Variants in SEMA6D observed in about 807,000 individuals in gnomAD.
The protein encoded by SEMA6D is semaphorin-6D.
SEMA6D carries 35 observed loss-of-function variants against 106.6 expected under a neutral mutation model. The ratio of observed to expected loss-of-function variants is 0.33; its 90% CI spans 0.25 to 0.44. The LOEUF (loss-of-function observed/expected upper bound fraction) is 0.44, where lower values mean the gene tolerates loss of function less well. SEMA6D is among the 20% of genes least tolerant of loss of function. The pLI is 1.00. For missense variants in SEMA6D, 1,185 were observed against 1,345.9 expected, an observed-to-expected ratio of 0.88 and a Z score of 1.87; for synonymous variants, 499 against 487.7, an observed-to-expected ratio of 1.02 and a Z score of -0.31.
At chr15:47,199,177 A>G (rs1894551249) in intron 1 of SEMA6D, among the ~76,000 whole-genome samples, 1 of 152,186 alleles carries the variant, frequency 6.6e-6, no homozygotes, top group Non-Finnish European at 1.5e-5. Context: ...TTCAGGAAGC[A>G]AATGTGTTAG....
chr15:47,576,571 C>A (rs1225016221), intron 3 of SEMA6D, among the ~76,000 whole-genome samples: 2 of 152,228 alleles, frequency 1.3e-5, no homozygotes, highest in Non-Finnish European at 2.9e-5. Context: ...CACTAAATCA[C>A]TCTATTCCCA....
chr15:47,733,822 T>A (rs1258308619), intron 1 of SEMA6D, among the ~76,000 whole-genome samples: 3 of 152,200 alleles, frequency 2.0e-5, no homozygotes, highest in Non-Finnish European at 4.4e-5. Flanking sequence ...AAATCAAGGA[T>A]GTTTGGCAAT....
At chr15:47,496,753 T>C (rs919725163) in intron 3 of SEMA6D, among the ~76,000 whole-genome samples, 1 of 152,078 alleles carries the variant, frequency 6.6e-6, no homozygotes, top group African/African-American at 2.4e-5. Context: ...TTTTAAGAAT[T>C]TGCAACATTC....
chr15:47,228,483 C>G (rs199603956), intron 1 of SEMA6D, among the ~76,000 whole-genome samples: 1 of 125,982 alleles, frequency 7.9e-6, no homozygotes, highest in African/African-American at 2.8e-5. Context: ...GTTTGTTTAT[C>G]TCTTTTATTT....
intron 1 of SEMA6D, among the ~76,000 whole-genome samples, chr15:47,351,639 A>G (rs1032185179): frequency 1.3e-5 from 2 of 152,056 alleles, no homozygotes; most frequent in African/African-American, 2.4e-5. Flanking sequence ...CTCCTTTACC[A>G]TATCACTTGC....
chr15:47,730,095 A>G (rs991987872), intron 1 of SEMA6D: 18 of 799,106 alleles, frequency 2.3e-5, no homozygotes, highest in East Asian at 1.4e-4. Flanking sequence ...AGGAAAATTT[A>G]TATTATTTTA....
At chr15:47,362,310 T>C (rs2038841810) in intron 1 of SEMA6D, among the ~76,000 whole-genome samples, 1 of 152,116 alleles carries the variant, frequency 6.6e-6, no homozygotes, top group Non-Finnish European at 1.5e-5. Flanking sequence ...AGTGGATAAA[T>C]AGTATGCTAA....
intron 1 of SEMA6D, among the ~76,000 whole-genome samples, chr15:47,304,241 C>G (rs1230976145): frequency 6.6e-6 from 1 of 151,704 alleles, no homozygotes; most frequent in Non-Finnish European, 1.5e-5. Context: ...GGTGGGAGTT[C>G]AAGACCAGCC....
chr15:47,284,215 C>T (rs935056920), intron 1 of SEMA6D, among the ~76,000 whole-genome samples: 25 of 152,298 alleles, frequency 1.6e-4, no homozygotes, highest in African/African-American at 6.0e-4. Flanking sequence ...GATGTTTGAA[C>T]ATCTGCCAGA....
intron 1 of SEMA6D, among the ~76,000 whole-genome samples, chr15:47,245,273 T>C: frequency 6.6e-6 from 1 of 152,182 alleles, no homozygotes; most frequent in Middle Eastern, 3.2e-3. Flanking sequence ...TGAGAAATCT[T>C]CAAACTGCTT....
At chr15:47,520,243 A>T (rs1035016498) in intron 3 of SEMA6D, among the ~76,000 whole-genome samples, 1 of 152,234 alleles carries the variant, frequency 6.6e-6, no homozygotes, top group Non-Finnish European at 1.5e-5. Context: ...CTAAAGAATT[A>T]TGTCCTGGGA....
At chr15:47,594,195 T>A (rs2143026875) in intron 3 of SEMA6D, among the ~76,000 whole-genome samples, 1 of 152,320 alleles carries the variant, frequency 6.6e-6, no homozygotes, top group African/African-American at 2.4e-5. Context: ...ATTATAGAAC[T>A]CATTATTCCC....
chr15:47,768,629 A>C lies in SEMA6D; in HGVS notation c.1814A>C (p.Glu605Ala). The change falls in exon 18 of 19, where the codon GAA (glutamate) becomes GCA (alanine). Residue 605 changes from glutamate to alanine, a missense_variant. By Grantham distance (107) the Glu-to-Ala change is moderately radical (BLOSUM62 -1). Transcript: ENST00000536845. ...SSVTTMASIP[E>A]ITPKVIDTWR... is the part of the protein sequence containing the mutation. ...GTTACCACAATGGCAAGTATCCCAGAAATCACACCTAAAGTGATTGATACC... is the reference window on the plus strand; with the variant it reads ...GTTACCACAATGGCAAGTATCCCAGCAATCACACCTAAAGTGATTGATACC... 1 of 1,613,508 alleles carries C rather than the reference A, an allele frequency of 6.2e-7. No homozygotes were observed. The highest frequency in any genetic ancestry group is 8.5e-7 in the Non-Finnish European group (1 of 1,179,576).
chr15:47,537,949 A>G (rs886987796), intron 3 of SEMA6D, among the ~76,000 whole-genome samples: 30 of 152,302 alleles, frequency 2.0e-4, no homozygotes, highest in African/African-American at 7.0e-4. Flanking sequence ...GCAGGAGAAC[A>G]GTTAGCATTG....
chr15:47,652,015 G>T (rs1335089463), intron 4 of SEMA6D, among the ~76,000 whole-genome samples: 1 of 152,076 alleles, frequency 6.6e-6, no homozygotes, highest in Non-Finnish European at 1.5e-5. Flanking sequence ...CCAAGTCAGT[G>T]GTGATCTCAT....
chr15:47,745,352 C>T (rs575175686), intron 1 of SEMA6D, among the ~76,000 whole-genome samples: 1 of 152,298 alleles, frequency 6.6e-6, no homozygotes, highest in South Asian at 2.1e-4. Flanking sequence ...ATGGAGGGAC[C>T]AAGTGGTGAA....
At chr15:47,370,673 C>T (rs919295061) in intron 1 of SEMA6D, among the ~76,000 whole-genome samples, 2 of 132,008 alleles carry the variant, frequency 1.5e-5, no homozygotes, top group Non-Finnish European at 3.1e-5. Context: ...GGTAAAGCGC[C>T]GTCTCTACTT....
chr15:47,190,652 C>A (rs1029840440), intron 1 of SEMA6D, among the ~76,000 whole-genome samples: 1 of 152,142 alleles, frequency 6.6e-6, no homozygotes, highest in Non-Finnish European at 1.5e-5. Context: ...GTGTTTTATA[C>A]ATGACCTCAT....
At chr15:47,668,858 C>A (rs761634133) in intron 4 of SEMA6D, among the ~76,000 whole-genome samples, 1 of 152,212 alleles carries the variant, frequency 6.6e-6, no homozygotes, top group Non-Finnish European at 1.5e-5. Flanking sequence ...TCCAGCCCCA[C>A]CTCCACCCTC....
Sources: allele counts gnomAD v4.1 joint callset (sites outside exome capture counted in the v4.1 genomes callset), GRCh38; gene constraint gnomAD v4.1.1; transcripts MANE v1.5; gene names NCBI Gene and HGNC (gene_info 2026-07-23, HGNC 2026-07-21).